BCR: variants seen among roughly 807,000 people sequenced by gnomAD.
The protein encoded by BCR is BCR activator of RhoGEF and GTPase.
BCR carries 58 observed loss-of-function variants against 138.6 expected under a neutral mutation model. The ratio of observed to expected loss-of-function variants is 0.42; its 90% CI spans 0.34 to 0.52. The LOEUF is 0.52. Ranked by LOEUF, BCR falls within the 20% of genes least tolerant of loss-of-function variation. BCR has a pLI of 0.06. For synonymous variants in BCR, 786 were observed against 730.1 expected (o/e 1.08, Z -1.23); for missense variants, 1,599 against 1,727.2 (o/e 0.93, Z 1.32).
intron 4 of BCR, chr22:23,262,767 C>T (rs960129925): frequency 2.1e-5 from 20 of 935,858 alleles, no homozygotes; most frequent in Admixed American, 1.8e-4. Context: ...GGGAGGGTGA[C>T]GAGGGGGAAG....
chr22:23,238,800 A>G (rs1005184), intron 1 of BCR, among the ~76,000 whole-genome samples: 91,797 of 151,220 alleles, frequency 0.61, 28,906 homozygotes, highest in African/African-American at 0.79. Flanking sequence ...ACTGACCCAG[A>G]GCTATACCCC....
At chr22:23,223,046 C>G (rs1248753022) in intron 1 of BCR, among the ~76,000 whole-genome samples, 2 of 152,168 alleles carry the variant, frequency 1.3e-5, no homozygotes, top group African/African-American at 4.8e-5. Context: ...CTCTCTTGGG[C>G]TTCTTATTGT....
At chr22:23,253,275 A>G (rs561295037) in intron 1 of BCR, among the ~76,000 whole-genome samples, 96 of 152,258 alleles carry the variant, frequency 6.3e-4, no homozygotes, top group African/African-American at 2.2e-3. Context: ...TTGTGTAGGC[A>G]TGATTGATTA....
Position 23,181,491 on chromosome 22 carries a change from C to G in BCR, c.531C>G (p.Tyr177Ter). ...GGGCGGACGCCGAGAAGCCCTTCTACGTGAACGTCGAGTTTCACCACGAGC... is the reference window on the plus strand; with the variant it reads ...GGGCGGACGCCGAGAAGCCCTTCTAGGTGAACGTCGAGTTTCACCACGAGC... ...QPGADAEKPF[Y>*]VNVEFHHERG... Residue 177 changes from tyrosine to a stop codon, truncating the protein, a stop_gained, in exon 1 of 23, where the codon TAC becomes TAG. Coordinates refer to ENST00000305877, the MANE Select transcript of BCR (RefSeq NM_004327.4). LOFTEE classifies it high-confidence loss of function. 6.2e-7 allele frequency: 1 copy of G among 1,612,004 alleles called. No individual in the cohort carries two copies. The highest frequency in any genetic ancestry group is 8.5e-7 in the Non-Finnish European group (1 of 1,179,272).
rs913680897 is a variant in BCR at position 23,268,591 on chromosome 22, G to A, written c.1860+76G>A. On this transcript the variant is annotated intron_variant, in intron 5 of 22. Coordinates refer to ENST00000305877, the MANE Select transcript of BCR (RefSeq NM_004327.4). The stretch of plus-strand genomic sequence containing the variant: ...CCCTCCACCTCCCGAGGAGAACAGA[G>A]TGCACCAGATCAAGATCTGGTCGTG... The A allele has an allele frequency of 5.6e-6, 7 of 1,246,808 alleles. No individual in the cohort carries two copies. In the Admixed American group the frequency reaches 1.4e-4, roughly 24 times the overall value. The allele number at this position is 1,246,808 out of a possible 1,614,324, so 77.2% of individuals were successfully genotyped here. A position where few individuals can be genotyped will look rare whatever the true frequency, so the allele number is the denominator to read the frequency against.
At chr22:23,281,098 G>A (rs143772111) in intron 8 of BCR, among the ~76,000 whole-genome samples, 26 of 152,324 alleles carry the variant, frequency 1.7e-4, no homozygotes, top group Middle Eastern at 3.4e-3. Flanking sequence ...GAACACACCT[G>A]GAAACATGGA....
intron 15 of BCR, among the ~76,000 whole-genome samples, chr22:23,293,793 G>GGC (rs955574939): frequency 1.3e-5 from 2 of 152,068 alleles, no homozygotes; most frequent in Non-Finnish European, 1.5e-5. Context: ...ACATGTTCCT[G>GGC]GCGCACACAC....
At chr22:23,203,187 T>G (rs2078002911) in intron 1 of BCR, among the ~76,000 whole-genome samples, 1 of 152,168 alleles carries the variant, frequency 6.6e-6, no homozygotes, top group Non-Finnish European at 1.5e-5. Flanking sequence ...TATATGAGTT[T>G]CTGCCCATGA....
At chr22:23,234,223 G>A (rs2072995839) in intron 1 of BCR, among the ~76,000 whole-genome samples, 1 of 152,184 alleles carries the variant, frequency 6.6e-6, no homozygotes, top group Admixed American at 6.5e-5. Context: ...CTGTGTGTTT[G>A]ATCCTTGTCT....
At position 23,251,604 on chromosome 22, in the gene BCR, C is replaced by T. The variant is rs372459944; in HGVS notation, c.1280-2195C>T. Among the ~76,000 whole-genome samples the T allele has an allele frequency of 1.2e-4, 18 of 152,386 alleles. No homozygotes were observed. The East Asian group carries it at 3.5e-3, about 29-fold the overall frequency. On this transcript the variant is annotated intron_variant, in intron 1 of 22. Transcript: ENST00000305877. ...AAAGGACTGACAACAGTCTCCACTT[C>T]AGGATTGCTGGGTCAGTTGCTCTGA...
At chr22:23,206,746 A>G (rs1736778379) in intron 1 of BCR, among the ~76,000 whole-genome samples, 1 of 152,198 alleles carries the variant, frequency 6.6e-6, no homozygotes, top group Non-Finnish European at 1.5e-5. Context: ...AGAAAGGGGT[A>G]GCTGTGCTTG....
At chr22:23,262,595 C>G (rs2073374042) in intron 4 of BCR, among the ~76,000 whole-genome samples, 2 of 152,196 alleles carry the variant, frequency 1.3e-5, no homozygotes, top group African/African-American at 4.8e-5. Flanking sequence ...AGTTTTAAAC[C>G]TAGTGGAGGG....
intron 1 of BCR, 136 bp downstream of exon 1, chr22:23,182,375 C>G (rs1302680122): frequency 6.7e-6 from 7 of 1,051,900 alleles, no homozygotes; most frequent in Non-Finnish European, 9.3e-6. Flanking sequence ...GTGGTTCACG[C>G]GGATCCTGCA....
intron 1 of BCR, among the ~76,000 whole-genome samples, chr22:23,206,393 T>A (rs1335927302): frequency 2.6e-5 from 4 of 151,932 alleles, no homozygotes; most frequent in Non-Finnish European, 4.4e-5. Flanking sequence ...GCTTACACGG[T>A]GAAACCATGT....
At chr22:23,262,967 C>G (rs886362063) in intron 4 of BCR, 24 of 1,006,014 alleles carry the variant, frequency 2.4e-5, no homozygotes, top group Middle Eastern at 3.7e-4. Flanking sequence ...CGAGAGGCAT[C>G]ATCAAAGGAG....
intron 1 of BCR, among the ~76,000 whole-genome samples, chr22:23,204,756 T>G (rs986699170): frequency 2.6e-5 from 4 of 152,314 alleles, no homozygotes; most frequent in Non-Finnish European, 5.9e-5. Flanking sequence ...TGGGGCAACG[T>G]GCCAAAGTGC....
At chr22:23,243,980 C>T (rs1279718208) in intron 1 of BCR, among the ~76,000 whole-genome samples, 1 of 152,126 alleles carries the variant, frequency 6.6e-6, no homozygotes, top group Non-Finnish European at 1.5e-5. Flanking sequence ...GTTGTGGGAA[C>T]ACCCCATCTC....
intron 1 of BCR, among the ~76,000 whole-genome samples, chr22:23,201,688 C>T (rs776903561): frequency 2.1e-4 from 32 of 152,198 alleles, no homozygotes; most frequent in Non-Finnish European, 7.3e-5. Context: ...ATCTCCTGAC[C>T]TTGTGATCCG....
intron 1 of BCR, chr22:23,242,872 A>T (rs1300020602): frequency 4.4e-6 from 2 of 455,778 alleles, no homozygotes; most frequent in Non-Finnish European, 8.8e-6. Flanking sequence ...CTGTCTCTGG[A>T]GGCTCTAGGG....
Sources: allele counts gnomAD v4.1 joint callset (sites outside exome capture counted in the v4.1 genomes callset), GRCh38; gene constraint gnomAD v4.1.1; transcripts MANE v1.5; gene names NCBI Gene and HGNC (gene_info 2026-07-23, HGNC 2026-07-21).